DAB1: variants seen among roughly 807,000 people sequenced by gnomAD.
DAB1 encodes disabled homolog 1.
A neutral mutation model predicts 64.6 loss-of-function variants in DAB1; 15 were observed. That is an observed-to-expected ratio of 0.23 (90% confidence interval 0.16 to 0.36). DAB1 has a LOEUF of 0.36. Ranked by LOEUF, DAB1 falls within the 10% of genes least tolerant of loss-of-function variation. The pLI, the probability that DAB1 is intolerant of heterozygous loss-of-function variation, is 1.00. For synonymous variants in DAB1, 235 were observed against 251.9 expected, an observed-to-expected ratio of 0.93 and a Z score of 0.64; for missense variants, 596 against 706.7, an observed-to-expected ratio of 0.84 and a Z score of 1.78.
At chr1:58,444,226 T>C (rs1002181163) in intron 3 of DAB1, among the ~76,000 whole-genome samples, 2 of 152,254 alleles carry the variant, frequency 1.3e-5, no homozygotes, top group African/African-American at 4.8e-5. Flanking sequence ...TGTCATACTA[T>C]GCTAGAGAAC....
chr1:57,248,520 T>C (rs911427993), intron 2 of DAB1, among the ~76,000 whole-genome samples: 10 of 152,146 alleles, frequency 6.6e-5, no homozygotes, highest in Non-Finnish European at 1.5e-4. Context: ...CAAACAAACA[T>C]ATGACTGTAT....
chr1:58,434,621 C>A (rs984394553), intron 3 of DAB1, among the ~76,000 whole-genome samples: 6 of 152,108 alleles, frequency 3.9e-5, no homozygotes, highest in African/African-American at 1.2e-4. Flanking sequence ...TGGGATTTAT[C>A]ACCATATAGA....
At chr1:58,216,341 C>T (rs1317114721) in intron 4 of DAB1, among the ~76,000 whole-genome samples, 1 of 152,110 alleles carries the variant, frequency 6.6e-6, no homozygotes, top group Admixed American at 6.5e-5. Context: ...CATCCATGTC[C>T]TTGCAAAGGA....
chr1:57,467,764 T>C (rs981231229), intron 7 of DAB1, among the ~76,000 whole-genome samples: 1 of 152,150 alleles, frequency 6.6e-6, no homozygotes, highest in Non-Finnish European at 1.5e-5. Context: ...AAATAGAGAA[T>C]GATTCAAAAC....
chr1:58,248,815 C>T (rs538913399), intron 4 of DAB1, among the ~76,000 whole-genome samples: 1 of 152,146 alleles, frequency 6.6e-6, no homozygotes, highest in Non-Finnish European at 1.5e-5. Context: ...AAACCCCACT[C>T]TGCAGCAGAA....
intron 2 of DAB1, among the ~76,000 whole-genome samples, chr1:57,168,219 G>A (rs770932882): frequency 6.6e-6 from 1 of 152,164 alleles, no homozygotes; most frequent in African/African-American, 2.4e-5. Flanking sequence ...TGAAATGTCA[G>A]TGGTTTCTCA....
At chr1:57,107,616 AG>A in intron 4 of DAB1, among the ~76,000 whole-genome samples, 1 of 152,250 alleles carries the variant, frequency 6.6e-6, no homozygotes, top group East Asian at 1.9e-4. Context: ...ACCAGAACTG[AG>A]GACCAACAGC....
intron 9 of DAB1, among the ~76,000 whole-genome samples, chr1:57,027,082 C>G (rs977845116): frequency 1.3e-5 from 2 of 152,132 alleles, no homozygotes; most frequent in African/African-American, 4.8e-5. Context: ...ACACAGGACT[C>G]CTGCACTCAA....
At chr1:57,148,865 G>T (rs934360995) in intron 2 of DAB1, among the ~76,000 whole-genome samples, 1 of 152,162 alleles carries the variant, frequency 6.6e-6, no homozygotes, top group Non-Finnish European at 1.5e-5. Flanking sequence ...CTCACATACT[G>T]TACAATTCAC....
chr1:58,219,662 G>A (rs1659052945), intron 4 of DAB1, among the ~76,000 whole-genome samples: 1 of 152,112 alleles, frequency 6.6e-6, no homozygotes, highest in African/African-American at 2.4e-5. Flanking sequence ...CACTAAGATG[G>A]GTGCTCCACT....
chr1:57,797,289 G>A (rs11804688), intron 6 of DAB1, among the ~76,000 whole-genome samples: 8 of 152,238 alleles, frequency 5.3e-5, no homozygotes, highest in African/African-American at 1.9e-4. Context: ...TAAGAACTAG[G>A]TCCCTTAGGC....
intron 5 of DAB1, among the ~76,000 whole-genome samples, chr1:57,912,024 C>T (rs1469465705): frequency 6.6e-6 from 1 of 152,160 alleles, no homozygotes; most frequent in Non-Finnish European, 1.5e-5. Context: ...TGATATACGT[C>T]CAGCGCACTA....
chr1:57,933,479 T>C (rs1644981759), intron 5 of DAB1, among the ~76,000 whole-genome samples: 1 of 152,212 alleles, frequency 6.6e-6, no homozygotes. Flanking sequence ...AATGGAATCA[T>C]ATTGTAAGTA....
At chr1:57,546,878 A>G (rs2101465343) in intron 7 of DAB1, among the ~76,000 whole-genome samples, 1 of 152,360 alleles carries the variant, frequency 6.6e-6, no homozygotes, top group East Asian at 1.9e-4. Context: ...GCACATGGGC[A>G]GAATACAGAA....
At chr1:57,951,763 C>T (rs189560180) in intron 5 of DAB1, among the ~76,000 whole-genome samples, 5 of 152,196 alleles carry the variant, frequency 3.3e-5, no homozygotes, top group African/African-American at 9.6e-5. Flanking sequence ...TTTGCTGGAC[C>T]GTGGACAATG....
intron 7 of DAB1, among the ~76,000 whole-genome samples, chr1:57,500,521 GT>G (rs1205698395): frequency 3.9e-5 from 6 of 152,128 alleles, no homozygotes; most frequent in Non-Finnish European, 8.8e-5. Context: ...CCAGCTATTA[GT>G]TTTTTTGTCA....
chr1:58,166,785 C>G (rs559259582), intron 4 of DAB1, among the ~76,000 whole-genome samples: 1 of 147,522 alleles, frequency 6.8e-6, no homozygotes, highest in Non-Finnish European at 1.5e-5. Flanking sequence ...CAGGGTCTTG[C>G]TCTGTCACCC....
At chr1:57,410,232 C>T (rs1357477831) in intron 1 of DAB1, among the ~76,000 whole-genome samples, 1 of 152,190 alleles carries the variant, frequency 6.6e-6, no homozygotes, top group Non-Finnish European at 1.5e-5. Context: ...AAATAGTTCA[C>T]TACAGGGGCA....
chr1:57,387,938 C>T (rs1423839692), intron 1 of DAB1, among the ~76,000 whole-genome samples: 1 of 151,750 alleles, frequency 6.6e-6, no homozygotes, highest in Non-Finnish European at 1.5e-5. Context: ...ACTACACCCA[C>T]CTATGATCTA....
Sources: allele counts gnomAD v4.1 joint callset (sites outside exome capture counted in the v4.1 genomes callset), GRCh38; gene constraint gnomAD v4.1.1; transcripts MANE v1.5; gene names NCBI Gene and HGNC (gene_info 2026-07-23, HGNC 2026-07-21).